The following VCL variants were observed in gnomAD, a reference collection of about 807,000 sequenced individuals.
VCL encodes the protein epididymis luminal protein 114.
A neutral mutation model predicts 125.7 loss-of-function variants in VCL; 47 were observed. The observed-to-expected ratio is 0.37, with a 90% CI of 0.30 to 0.48. VCL has a LOEUF of 0.48. VCL is among the 20% of genes least tolerant of loss of function. The pLI, the probability that VCL is intolerant of heterozygous loss-of-function variation, is 0.99. For missense variants in VCL, 1,069 were observed against 1,455.5 expected, an observed-to-expected ratio of 0.73 and a Z score of 4.32; for synonymous variants, 458 against 514.6, an observed-to-expected ratio of 0.89 and a Z score of 1.49.
At chr10:74,082,125 T>C (rs1371258949) in intron 6 of VCL, among the ~76,000 whole-genome samples, 1 of 152,176 alleles carries the variant, frequency 6.6e-6, no homozygotes, top group Non-Finnish European at 1.5e-5. Context: ...AGGCTGACAA[T>C]GAGGCATGTG....
chr10:74,024,020 G>T (rs1301532242), intron 1 of VCL, among the ~76,000 whole-genome samples: 2 of 152,124 alleles, frequency 1.3e-5, no homozygotes, highest in Non-Finnish European at 2.9e-5. Flanking sequence ...GCCTAAAGGT[G>T]TAACTTTGGA....
At chr10:74,095,440 T>A (rs999099767) in intron 11 of VCL, among the ~76,000 whole-genome samples, 1 of 151,946 alleles carries the variant, frequency 6.6e-6, no homozygotes, top group Non-Finnish European at 1.5e-5. Context: ...AAAAAACCAA[T>A]TAGCCAGGTA....
At chr10:74,044,229 C>T (rs1374034051) in intron 2 of VCL, among the ~76,000 whole-genome samples, 1 of 151,946 alleles carries the variant, frequency 6.6e-6, no homozygotes, top group African/African-American at 2.4e-5. Context: ...CTGCATAAAA[C>T]AAGCAGACAT....
rs923960592 is a variant in VCL at position 74,095,694 on chromosome 10, C to T, written c.1582C>T (p.Arg528Cys). ...CCGGGGGCTTGTGGCCGAAGGGCAT[C>T]GTCTGGCTAATGTTATGATGGGGCC... is the stretch of plus-strand genomic sequence containing the variant. ...AIRGLVAEGH[R>C]LANVMMGPYR... The change falls in exon 12 of 22, where the codon CGT becomes TGT. Residue 528 changes from arginine (R) to cysteine (C), a missense_variant. Transcript: ENST00000211998. 10 of 1,614,028 alleles carry T rather than the reference C, an allele frequency of 6.2e-6. No individual in the cohort carries two copies. In the East Asian group the frequency reaches 6.7e-5, roughly 11 times the overall value.
At chr10:74,048,148 A>G (rs1841225116) in intron 2 of VCL, among the ~76,000 whole-genome samples, 1 of 152,196 alleles carries the variant, frequency 6.6e-6, no homozygotes, top group South Asian at 2.1e-4. Flanking sequence ...AATGTTGGTT[A>G]GACTAACCTT....
chr10:74,047,684 A>G (rs187910226), intron 2 of VCL, among the ~76,000 whole-genome samples: 18 of 152,330 alleles, frequency 1.2e-4, no homozygotes, highest in African/African-American at 4.1e-4. Flanking sequence ...CTTGGCCTGT[A>G]GATAGATTTA....
At chr10:74,044,082 G>A (rs926064777) in intron 2 of VCL, among the ~76,000 whole-genome samples, 1 of 151,784 alleles carries the variant, frequency 6.6e-6, no homozygotes, top group Non-Finnish European at 1.5e-5. Flanking sequence ...CTGCACTCCA[G>A]TCTGGGTGAC....
chr10:74,007,178 C>T (rs973686513), intron 1 of VCL, among the ~76,000 whole-genome samples: 1 of 152,076 alleles, frequency 6.6e-6, no homozygotes, highest in Non-Finnish European at 1.5e-5. Flanking sequence ...GGGGTTTTGC[C>T]ATGTTGCCCA....
At chr10:74,090,925 G>A (rs191266658) in intron 10 of VCL, among the ~76,000 whole-genome samples, 117 of 151,746 alleles carry the variant, frequency 7.7e-4, no homozygotes, top group African/African-American at 2.4e-3. Flanking sequence ...CTCAGCCTCC[G>A]GAGTAGCTGG....
intron 2 of VCL, among the ~76,000 whole-genome samples, chr10:74,066,791 C>T (rs1564522178): frequency 6.6e-6 from 1 of 151,786 alleles, no homozygotes; most frequent in Non-Finnish European, 1.5e-5. Context: ...CCTCCCTCAG[C>T]CTCCTGTGTA....
intron 2 of VCL, among the ~76,000 whole-genome samples, chr10:74,068,574 C>T (rs1022083331): frequency 6.6e-6 from 1 of 152,184 alleles, no homozygotes; most frequent in African/African-American, 2.4e-5. Flanking sequence ...ATCCACCTGC[C>T]TTGGCCTCCC....
Position 74,103,871 on chromosome 10 carries a change from T to C in VCL, c.2074T>C (p.Tyr692His), listed in dbSNP as rs1216182062. 6.2e-7 allele frequency: 1 copy of C among 1,614,136 alleles called. No individual in the cohort carries two copies. Among genetic ancestry groups the C allele is most frequent in the South Asian group, 1.1e-5 (1 of 91,076 alleles). ...LLRNPGNQAA[Y>H]EHFETMKNQW... ...TAGGAACCCTGGAAATCAAGCTGCT[T>C]ATGAACATTTTGAGACCATGAAGAA... Residue 692 changes from tyrosine (Y) to histidine (H), a missense_variant, in exon 15 of 22, where the codon TAT (tyrosine) becomes CAT (histidine). Around this residue, in one of 6 missense-constraint regions of VCL, gnomAD observed 760 missense variants for 928.9 expected, o/e 0.82. Coordinates refer to ENST00000211998, the MANE Select transcript of VCL (RefSeq NM_014000.3).
intron 15 of VCL, chr10:74,104,831 T>C (rs1840107712): frequency 5.0e-6 from 3 of 597,606 alleles, no homozygotes; most frequent in Non-Finnish European, 8.7e-6. Flanking sequence ...ACGGTTGGTA[T>C]AAATGCTGCA....
At chr10:74,011,365 T>C (rs1254685572) in intron 1 of VCL, among the ~76,000 whole-genome samples, 1 of 152,166 alleles carries the variant, frequency 6.6e-6, no homozygotes, top group Non-Finnish European at 1.5e-5. Context: ...TATGTCCTCA[T>C]ATACTGGATC....
chr10:74,114,648 G>T, intron 20 of VCL, 147 bp from the exon 21 acceptor site: 1 of 969,850 alleles, frequency 1.0e-6, no homozygotes. Flanking sequence ...GACCCTAGGG[G>T]AAAAAACAAG....
At chr10:74,053,839 G>GACCTCAGGTGATCCACTCACCTC (rs1391765737) in intron 2 of VCL, among the ~76,000 whole-genome samples, 1 of 152,050 alleles carries the variant, frequency 6.6e-6, no homozygotes, top group African/African-American at 2.4e-5. Context: ...TCGAACTCCT[G>GACCTCAGGTGATCCACTCACCTC]ACCTCAGGTG....
chr10:74,021,675 G>A (rs1840669556), intron 1 of VCL, among the ~76,000 whole-genome samples: 1 of 152,166 alleles, frequency 6.6e-6, no homozygotes, highest in African/African-American at 2.4e-5. Context: ...CTGTTCTAAA[G>A]CTTCTGTAAA....
At chr10:74,016,066 A>C (rs1374776575) in intron 1 of VCL, among the ~76,000 whole-genome samples, 2 of 152,062 alleles carry the variant, frequency 1.3e-5, no homozygotes, top group African/African-American at 4.8e-5. Flanking sequence ...CTTGAGCTCA[A>C]GGGATCCTCC....
At chr10:74,110,236 A>C (rs1397637330) in intron 18 of VCL, among the ~76,000 whole-genome samples, 3 of 152,320 alleles carry the variant, frequency 2.0e-5, no homozygotes, top group South Asian at 2.1e-4. Context: ...GACAGTGAAG[A>C]TTTTAAAGGA....
Sources: gnomAD v4.1 joint callset for allele counts (sites outside exome capture counted in the v4.1 genomes callset) on GRCh38, gnomAD v4.1.1 for gene constraint, gnomAD v4.1.1 regional missense constraint, MANE v1.5 for transcripts, NCBI Gene and HGNC (gene_info 2026-07-23, HGNC 2026-07-21) for gene names.